The following ZFP2 variants were observed in gnomAD, a reference collection of about 807,000 sequenced individuals.
The protein encoded by ZFP2 is zinc finger protein ZFP2.
A neutral mutation model predicts 36.1 loss-of-function variants in ZFP2; 33 were observed. The ratio of observed to expected loss-of-function variants is 0.92; its 90% CI spans 0.69 to 1.22. The LOEUF (loss-of-function observed/expected upper bound fraction) is 1.22. Among genes scored for constraint, ZFP2 ranks in the 50% most tolerant of loss-of-function variants. The probability of loss-of-function intolerance (pLI) is 0.00; values close to 1 mark genes in which losing one functional copy is unlikely to be tolerated. For synonymous variants in ZFP2, 170 were observed against 178.0 expected (o/e 0.96, Z 0.36); for missense variants, 522 against 551.4 (o/e 0.95, Z 0.53).
intron 1 of ZFP2, among the ~76,000 whole-genome samples, chr5:178,908,117 G>T (rs1169459820): frequency 6.6e-6 from 1 of 152,146 alleles, no homozygotes; most frequent in African/African-American, 2.4e-5. Context: ...GTGTGATTAA[G>T]TTAACACTCC....
At position 178,925,118 on chromosome 5, in the gene ZFP2, T is replaced by TAC. The variant is rs1191541166; in HGVS notation, c.-77-6118_-77-6117insCA. On this transcript the variant is annotated intron_variant, in intron 4 of 4. Coordinates refer to ENST00000361362, the MANE Select transcript of ZFP2 (RefSeq NM_030613.4). ...TTTAAATTGAATCTTTATATATATA[T>TAC]ATATATATACACACACACACACACA... 4.5e-5 allele frequency among the ~76,000 whole-genome samples: 3 copies of TAC among 67,168 alleles called. 1 individual carries two copies. The highest frequency in any genetic ancestry group is 1.2e-4 in the Non-Finnish European group (3 of 25,926). The allele number at this position is 67,168 out of a possible 152,430, so 44.1% of individuals were successfully genotyped here. A position where few individuals can be genotyped will look rare whatever the true frequency, so the allele number is the denominator to read the frequency against.
chr5:178,913,678 C>T (rs1758351097), intron 3 of ZFP2, among the ~76,000 whole-genome samples: 1 of 152,044 alleles, frequency 6.6e-6, no homozygotes, highest in South Asian at 2.1e-4. Context: ...CCATTCAATG[C>T]CATTTACCTC....
chr5:178,919,532 A>G (rs1213864240), intron 4 of ZFP2, among the ~76,000 whole-genome samples: 1 of 152,212 alleles, frequency 6.6e-6, no homozygotes, highest in Non-Finnish European at 1.5e-5. Flanking sequence ...GCACTTTGAA[A>G]TAATTAATCC....
chr5:178,924,700 A>G (rs1399162776), intron 4 of ZFP2, among the ~76,000 whole-genome samples: 1 of 147,966 alleles, frequency 6.8e-6, no homozygotes, highest in African/African-American at 2.4e-5. Context: ...TTAGCCAGGC[A>G]TGGTGGTACA....
At chr5:178,902,844 C>T (rs1758087691) in intron 1 of ZFP2, among the ~76,000 whole-genome samples, 1 of 152,176 alleles carries the variant, frequency 6.6e-6, no homozygotes, top group African/African-American at 2.4e-5. Flanking sequence ...ATAATATTTA[C>T]TCAGGAGTCT....
At chr5:178,899,671 T>G (rs1758013454) in intron 1 of ZFP2, among the ~76,000 whole-genome samples, 1 of 151,938 alleles carries the variant, frequency 6.6e-6, no homozygotes, top group Non-Finnish European at 1.5e-5. Flanking sequence ...TAGGAAAAAG[T>G]AGTGTCCGTG....
intron 1 of ZFP2, chr5:178,910,019 A>C: frequency 6.9e-7 from 1 of 1,446,866 alleles, no homozygotes; most frequent in South Asian, 1.1e-5. Flanking sequence ...CTATTTGCCG[A>C]TGCAGTGACC....
chr5:178,908,214 T>C (rs753019242), intron 1 of ZFP2, among the ~76,000 whole-genome samples: 7 of 152,014 alleles, frequency 4.6e-5, no homozygotes, highest in East Asian at 3.9e-4. Flanking sequence ...TTTGGGAGGC[T>C]AAGGTGGGCA....
rs112718441 is a variant in ZFP2, at chr5:178,929,952, G to C, written c.-77-1285G>C. On this transcript the variant is annotated intron_variant, in intron 4 of 4. Coordinates refer to ENST00000361362, the MANE Select transcript of ZFP2 (RefSeq NM_030613.4). ...GCATCTGCTTGACGGTGGGGGGGGG[G>C]GCTCAGGAGGCTTACAGTCATGGCA... is the stretch of plus-strand genomic sequence containing the variant. Among the ~76,000 whole-genome samples the C allele has an allele frequency of 4.8e-4, 71 of 148,730 alleles. 1 individual carries two copies. The highest frequency in any genetic ancestry group is 2.4e-3 in the South Asian group (11 of 4,636).
rs779796748 is a variant in ZFP2, at chr5:178,932,301, G to A, written c.988G>A (p.Glu330Lys). 3.1e-5 allele frequency: 50 copies of A among 1,614,030 alleles called. No homozygotes were observed. Among genetic ancestry groups the A allele is most frequent in the Non-Finnish European group, 3.4e-5 (40 of 1,180,030 alleles). Residue 330 changes from glutamate to lysine, a missense_variant, in exon 5 of 5, where the codon GAG (glutamate) becomes AAG (lysine). Transcript: ENST00000361362. ...HSGVKPFECN[E>K]CGKAFSKNSS... Reference sequence around the variant, plus strand: ...TGGAGTAAAACCTTTTGAATGTAACGAGTGTGGAAAAGCTTTCAGTAAGAA... The same window carrying A: ...TGGAGTAAAACCTTTTGAATGTAACAAGTGTGGAAAAGCTTTCAGTAAGAA...
intron 1 of ZFP2, among the ~76,000 whole-genome samples, chr5:178,898,276 G>A (rs770613762): frequency 3.9e-5 from 6 of 152,176 alleles, no homozygotes; most frequent in Admixed American, 6.5e-5. Flanking sequence ...GTGAGCCACC[G>A]CGCATGGCCC....
chr5:178,909,998 T>C (rs1447280913), intron 1 of ZFP2: 2 of 1,418,988 alleles, frequency 1.4e-6, no homozygotes, highest in Admixed American at 1.7e-5. Context: ...CTAGTTTCCA[T>C]AGGGTGATGG....
rs1473304478 is a variant in ZFP2, at chr5:178,931,519, T to C, written c.206T>C (p.Met69Thr). ...CTTGATACACAGCAAAGCATTCCTA[T>C]GGTAAAAAGGCCCCATAACTGTAAT... ...SILDTQQSIP[M>T]VKRPHNCNSH... The change falls in exon 5 of 5, where the codon ATG (methionine) becomes ACG (threonine). Residue 69 changes from methionine to threonine, a missense_variant. Physicochemically the swap from Met to Thr is moderately conservative, Grantham distance 81 (BLOSUM62 -1). Coordinates refer to ENST00000361362, the MANE Select transcript of ZFP2 (RefSeq NM_030613.4). The C allele has an allele frequency of 3.7e-6, 6 of 1,614,134 alleles. No individual in the cohort carries two copies. The highest frequency in any genetic ancestry group is 3.4e-6 in the Non-Finnish European group (4 of 1,180,024).
chr5:178,909,981 G>C, intron 1 of ZFP2: 1 of 1,403,466 alleles, frequency 7.1e-7, no homozygotes, highest in Non-Finnish European at 1.0e-6. Context: ...ATTGTTCTGG[G>C]TAGAGACTAG....
intron 1 of ZFP2, among the ~76,000 whole-genome samples, chr5:178,901,540 C>T (rs28401457): frequency 6.6e-6 from 1 of 152,088 alleles, no homozygotes; most frequent in Admixed American, 6.5e-5. Context: ...ATGGCTGCAT[C>T]GCTCTAATCC....
chr5:178,909,723 G>C, intron 1 of ZFP2: 2 of 1,538,096 alleles, frequency 1.3e-6, no homozygotes, highest in Non-Finnish European at 1.7e-6. Flanking sequence ...CTGCTCCTCA[G>C]GACACAAGCC....
chr5:178,912,704 A>G lies in ZFP2; in HGVS notation c.-329A>G, dbSNP rs903816094. The stretch of plus-strand genomic sequence containing the variant: ...GGAGGTGATGCTGGAGAACTACAGG[A>G]ACCCGGTCTCACTGGGTAAGGACTT... On this transcript the variant is annotated 5_prime_UTR_variant, in exon 2 of 5. Transcript: ENST00000361362. 5.6e-6 allele frequency: 6 copies of G among 1,064,052 alleles called. No individual in the cohort carries two copies. The highest frequency in any genetic ancestry group is 6.9e-6 in the Non-Finnish European group (6 of 863,752). The allele number at this position is 1,064,052 out of a possible 1,614,324, so 65.9% of individuals were successfully genotyped here. A position where few individuals can be genotyped will look rare whatever the true frequency, so the allele number is the denominator to read the frequency against.
intron 1 of ZFP2, among the ~76,000 whole-genome samples, chr5:178,902,756 T>A (rs1363282080): frequency 2.0e-5 from 3 of 150,522 alleles, no homozygotes; most frequent in African/African-American, 7.3e-5. Flanking sequence ...TTCTCATTTC[T>A]TATGTAGCTT....
In ZFP2 at chr5:178,931,241, G is replaced by C; in HGVS notation, c.-73G>C. ...TGAATTTTTTTTTTTTTTCAGACTG[G>C]GAGACAAGACTTGAAACCAAAGAGC... On this transcript the variant is annotated 5_prime_UTR_variant, in exon 5 of 5. Coordinates refer to ENST00000361362, the MANE Select transcript of ZFP2 (RefSeq NM_030613.4). 6.6e-7 allele frequency: 1 copy of C among 1,514,716 alleles called. No individual in the cohort carries two copies. Among genetic ancestry groups the C allele is most frequent in the South Asian group, 1.4e-5 (1 of 72,736 alleles). 93.8% of individuals were successfully genotyped at this position (1,514,716 alleles called of 1,614,324 possible). A position where few individuals can be genotyped will look rare whatever the true frequency, so the allele number is the denominator to read the frequency against.
Sources: gnomAD v4.1 joint callset for allele counts (sites outside exome capture counted in the v4.1 genomes callset) on GRCh38, gnomAD v4.1.1 for gene constraint, MANE v1.5 for transcripts, NCBI Gene and HGNC (gene_info 2026-07-23, HGNC 2026-07-21) for gene names.